REV1: variants seen among roughly 807,000 people sequenced by gnomAD.
REV1 encodes the protein translesion synthesis protein REV1.
In REV1, 42 loss-of-function variants were observed where a neutral mutation model predicts 137.4. The observed-to-expected ratio is 0.31, with a 90% confidence interval of 0.24 to 0.40. The LOEUF (loss-of-function observed/expected upper bound fraction) is 0.40. Ranked by LOEUF, REV1 falls within the 10% of genes least tolerant of loss-of-function variation. The pLI, the probability that REV1 is intolerant of heterozygous loss-of-function variation, is 1.00. For synonymous variants in REV1, 524 were observed against 519.2 expected (o/e 1.01, Z -0.12); for missense variants, 1,282 against 1,490.1 (o/e 0.86, Z 2.30).
intron 9 of REV1, among the ~76,000 whole-genome samples, 169 bp downstream of exon 9, chr2:99,429,671 T>C (rs1679857482): frequency 1.3e-5 from 2 of 151,218 alleles, no homozygotes; most frequent in Admixed American, 6.6e-5. Context: ...TAAAGTTATC[T>C]AGCACTGGTG....
intron 9 of REV1, among the ~76,000 whole-genome samples, chr2:99,429,439 T>TA (rs1253807780): frequency 3.9e-5 from 6 of 152,150 alleles, no homozygotes; most frequent in Non-Finnish European, 5.9e-5. Flanking sequence ...GTTTTAACAC[T>TA]AAAAAAACTG....
Position 99,436,980 on chromosome 2 carries a change from C to CTT in REV1, c.1214-1041_1214-1040dup, listed in dbSNP as rs898496297. Among the ~76,000 whole-genome samples the CTT allele has an allele frequency of 1.4e-4, 20 of 145,756 alleles. No individual in the cohort carries two copies. The East Asian group carries it at 1.7e-3, about 12-fold the overall frequency. On this transcript the variant is annotated intron_variant, in intron 6 of 22. Coordinates refer to ENST00000258428, the MANE Select transcript of REV1 (RefSeq NM_016316.4). ...TAGCATGTACCTAATTCTCCCCCAA[C>CTT]TTTTTTTTTGTTTTTTTTTTTTTTT... is the stretch of plus-strand genomic sequence containing the variant.
intron 14 of REV1, 119 bp from the exon 15 acceptor site, chr2:99,408,250 T>C: frequency 2.0e-6 from 1 of 499,848 alleles, no homozygotes; most frequent in Non-Finnish European, 3.4e-6. Flanking sequence ...CAAAGAAGAT[T>C]ATAAAAGTGA....
chr2:99,457,122 T>C (rs1683615454), intron 3 of REV1, among the ~76,000 whole-genome samples: 1 of 152,200 alleles, frequency 6.6e-6, no homozygotes, highest in Non-Finnish European at 1.5e-5. Context: ...TCTGTTGATG[T>C]CTAAGGCTTA....
intron 1 of REV1, among the ~76,000 whole-genome samples, chr2:99,476,509 T>C (rs953203080): frequency 1.3e-5 from 2 of 152,138 alleles, no homozygotes; most frequent in East Asian, 3.9e-4. Context: ...TGAGCCCAGA[T>C]TGCGCCATTG....
intron 17 of REV1, chr2:99,405,524 T>G (rs1363547906): frequency 6.3e-6 from 1 of 159,594 alleles, no homozygotes; most frequent in African/African-American, 2.4e-5. Context: ...CATCCAAATC[T>G]CCAGAGACCT....
chr2:99,435,837 T>G lies in REV1; in HGVS notation c.1318A>C (p.Lys440Gln), dbSNP rs779606417. Residue 440 changes from lysine to glutamine, a missense_variant, in exon 7 of 23, where the codon AAA (lysine) becomes CAA (glutamine). Transcript: ENST00000258428. ...SVGIRNRPDL[K>Q]GKPVAVTSNR... ...AAACATAAGCAAGAATACAGACCTT[T>G]GAGATCTGGTCTATTTCGTATACCC... 9.5e-5 allele frequency: 144 copies of G among 1,509,952 alleles called. 3 individuals are homozygous for G. In the South Asian group the frequency reaches 1.6e-3, roughly 17 times the overall value. 93.5% of individuals were successfully genotyped at this position (1,509,952 alleles called of 1,614,324 possible).
At chr2:99,402,582 G>T in intron 21 of REV1, 62 bp downstream of exon 21, 1 of 1,486,522 alleles carries the variant, frequency 6.7e-7, no homozygotes, top group Non-Finnish European at 9.3e-7. Flanking sequence ...GTCTGTTTAT[G>T]TTCTCAAATC....
At chr2:99,486,016 T>C (rs981614665) in intron 1 of REV1, among the ~76,000 whole-genome samples, 1 of 152,162 alleles carries the variant, frequency 6.6e-6, no homozygotes, top group Non-Finnish European at 1.5e-5. Flanking sequence ...TGCAGGCTAC[T>C]CGAGCGCCTG....
intron 9 of REV1, chr2:99,424,988 T>A: frequency 1.1e-6 from 1 of 911,478 alleles, no homozygotes; most frequent in Non-Finnish European, 1.5e-6. Flanking sequence ...AAACTATAAT[T>A]ATGGAATTAT....
At chr2:99,486,560 C>T (rs1293676524) in intron 1 of REV1, among the ~76,000 whole-genome samples, 1 of 152,012 alleles carries the variant, frequency 6.6e-6, no homozygotes, top group Non-Finnish European at 1.5e-5. Flanking sequence ...GTTCTAAGCA[C>T]TTTACATACA....
At position 99,421,662 on chromosome 2, in the gene REV1, ACAGAG is replaced by A. The variant is rs1367090008; in HGVS notation, c.1677-14_1677-10del. 1.2e-6 allele frequency: 2 copies of A among 1,609,418 alleles called. No homozygotes were observed. Among genetic ancestry groups the A allele is most frequent in the Middle Eastern group, 1.6e-4 (1 of 6,068 alleles). ...CAATGTTATGAGTGTAGCTATCAAC[ACAGAG>A]CAAAGGCAACGAATCACAGCCACAG... On this transcript the variant is annotated splice_polypyrimidine_tract_variant and intron_variant, in intron 10 of 22. Transcript: ENST00000258428.
chr2:99,410,843 G>T lies in REV1; in HGVS notation c.2197C>A (p.Leu733Met). The T allele has an allele frequency of 1.9e-6, 3 of 1,591,846 alleles. No homozygotes were observed. Among genetic ancestry groups the T allele is most frequent in the Non-Finnish European group, 2.6e-6 (3 of 1,174,442 alleles). ...CTTTGAATTTCTTCTGAAAGACTCA[G>T]AAGAAAAGCTTCTGCCTCTTTTGGC... is the stretch of plus-strand genomic sequence containing the variant. ...TQPKEAEAFL[L>M]SLSEEIQRRL... is the part of the protein sequence containing the mutation. Residue 733 changes from leucine to methionine, a missense_variant, in exon 14 of 23, where the codon CTG becomes ATG. This residue lies in a region of REV1 where 372 missense variants were observed against 482.3 expected (regional missense o/e 0.77). Coordinates refer to ENST00000258428, the MANE Select transcript of REV1 (RefSeq NM_016316.4).
chr2:99,414,113 C>T (rs1259556350), intron 12 of REV1, among the ~76,000 whole-genome samples: 1 of 152,160 alleles, frequency 6.6e-6, no homozygotes. Flanking sequence ...TATGAACCTG[C>T]CATTCCATTC....
rs180747300 is a variant in REV1, at chr2:99,486,515, C to A, written c.-11+3302G>T. Among the ~76,000 whole-genome samples the A allele has an allele frequency of 6.9e-3, 968 of 139,702 alleles. 2 individuals carry two copies. The highest frequency in any genetic ancestry group is 0.011 in the Non-Finnish European group (696 of 65,376). The allele number at this position is 139,702 out of a possible 152,430, so 91.6% of individuals were successfully genotyped here. A position where few individuals can be genotyped will look rare whatever the true frequency, so the allele number is the denominator to read the frequency against. ...CTGCACTCCAGTGTGGGCGACAGAGCGAGACTCCATCTCAAAAAAAAAAAA... is the reference window on the plus strand; with the variant it reads ...CTGCACTCCAGTGTGGGCGACAGAGAGAGACTCCATCTCAAAAAAAAAAAA... On this transcript the variant is annotated intron_variant, in intron 1 of 22. Transcript: ENST00000258428.
At chr2:99,439,709 A>G (rs1681231078) in intron 5 of REV1, among the ~76,000 whole-genome samples, 1 of 152,230 alleles carries the variant, frequency 6.6e-6, no homozygotes, top group Non-Finnish European at 1.5e-5. Context: ...GGAATCTATA[A>G]GCTGTAAATA....
At chr2:99,439,435 T>C (rs1681192899) in intron 5 of REV1, 125 bp from the exon 6 acceptor site, 2 of 582,008 alleles carry the variant, frequency 3.4e-6, no homozygotes, top group Non-Finnish European at 5.8e-6. Context: ...AGAAAATTCT[T>C]ATATTGAATA....
intron 2 of REV1, 80 bp downstream of exon 2, chr2:99,464,842 A>T: frequency 7.4e-7 from 1 of 1,354,494 alleles, no homozygotes; most frequent in Non-Finnish European, 1.1e-6. Context: ...TTTAGAAAAC[A>T]ACTTAAACCA....
At chr2:99,408,328 G>C (rs1574984826) in intron 14 of REV1, 197 bp from the exon 15 acceptor site, 1 of 371,468 alleles carries the variant, frequency 2.7e-6, no homozygotes, top group African/African-American at 2.1e-5. Flanking sequence ...AAGGGGGAAA[G>C]AAAAATTATG....
Sources: allele counts gnomAD v4.1 joint callset (sites outside exome capture counted in the v4.1 genomes callset), GRCh38; gene constraint gnomAD v4.1.1; regional missense constraint gnomAD v4.1.1; transcripts MANE v1.5; gene names NCBI Gene and HGNC (gene_info 2026-07-23, HGNC 2026-07-21).